Variants in COPS9 observed in about 807,000 individuals in gnomAD.
The protein encoded by COPS9 is COP9 signalosome complex subunit 9.
A neutral mutation model predicts 7.2 loss-of-function variants in COPS9; 8 were observed. The ratio of observed to expected loss-of-function variants is 1.11; its 90% CI spans 0.65 to 2.00. The LOEUF is 2.00. Ranked by LOEUF, COPS9 falls within the 30% of genes most tolerant of loss-of-function variation. The pLI is 0.00. For synonymous variants in COPS9, 39 were observed against 28.7 expected, an observed-to-expected ratio of 1.36 and a Z score of -1.14; for missense variants, 74 against 77.7, an observed-to-expected ratio of 0.95 and a Z score of 0.18.
rs1410889291 is a variant in COPS9 at position 240,132,154 on chromosome 2, C to T, written c.137-1066G>A. On this transcript the variant is annotated intron_variant, in intron 2 of 2. Coordinates refer to ENST00000607357, the MANE Select transcript of COPS9 (RefSeq NM_001163424.2). The surrounding 1 kb of genome is among the most constrained non-coding windows in gnomAD (Gnocchi z 4.1). ...TCTGCAGTGCTCCCAGAAACAATGCCGTCCACGCTTTGCCAGGGCTCTTGT... is the reference window on the plus strand; with the variant it reads ...TCTGCAGTGCTCCCAGAAACAATGCTGTCCACGCTTTGCCAGGGCTCTTGT... 1.3e-5 allele frequency among the ~76,000 whole-genome samples: 2 copies of T among 152,172 alleles called. No homozygotes were observed. The highest frequency in any genetic ancestry group is 2.9e-5 in the Non-Finnish European group (2 of 68,030).
At chr2:240,131,663 G>T (rs1285071887) in intron 2 of COPS9, among the ~76,000 whole-genome samples, 6 of 152,198 alleles carry the variant, frequency 3.9e-5, no homozygotes, top group Admixed American at 1.3e-4. Flanking sequence ...AACACGTAGT[G>T]CCCTGCTTTG....
chr2:240,129,871 C>G (rs202067296), downstream of COPS9: 1 of 1,548,224 alleles, frequency 6.5e-7, no homozygotes, highest in African/African-American at 1.4e-5. Flanking sequence ...CCTCAACGTG[C>G]GGCCCAGTGC....
At chr2:240,128,028 T>C (rs893048120), downstream of COPS9, among the ~76,000 whole-genome samples, 1 of 152,196 alleles carries the variant, frequency 6.6e-6, no homozygotes, top group Admixed American at 6.5e-5. Flanking sequence ...CAATGATTAT[T>C]CACACAAAAC....
chr2:240,134,011 G>C lies in COPS9; in HGVS notation c.64-6C>G. 1.2e-6 allele frequency: 2 copies of C among 1,614,154 alleles called. No homozygotes were observed. The highest frequency in any genetic ancestry group is 1.7e-6 in the Non-Finnish European group (2 of 1,180,002). On this transcript the variant is annotated splice_region_variant and splice_polypyrimidine_tract_variant and intron_variant, in intron 1 of 2. Transcript: ENST00000607357. ...AGCCCGGTGCTGCCTCCCGCCTGGG[G>C]AATGGAAAGGCAAGGTTATGTCAGG... is the stretch of plus-strand genomic sequence containing the variant.
intron 1 of COPS9, among the ~76,000 whole-genome samples, chr2:240,135,580 G>A (rs1029118562): frequency 3.9e-5 from 6 of 152,142 alleles, no homozygotes; most frequent in African/African-American, 1.2e-4. Flanking sequence ...GCTCACATCA[G>A]ACAAGGTCAC....
At chr2:240,128,936 T>C (rs926953912), downstream of COPS9, among the ~76,000 whole-genome samples, 11 of 152,234 alleles carry the variant, frequency 7.2e-5, no homozygotes. Flanking sequence ...CATGCACACA[T>C]GTGCAGACTG....
At chr2:240,129,135 T>C (rs2071895217), downstream of COPS9, among the ~76,000 whole-genome samples, 3 of 152,174 alleles carry the variant, frequency 2.0e-5, no homozygotes, top group South Asian at 6.2e-4. Flanking sequence ...GACATCCCCA[T>C]TCACCAAGGA....
At chr2:240,136,117 A>AC in intron 1 of COPS9, 105 bp downstream of exon 1, 1 of 1,213,264 alleles carries the variant, frequency 8.2e-7, no homozygotes, top group Non-Finnish European at 1.1e-6. Flanking sequence ...CCCATCGCCC[A>AC]CCCGCCCGGC....
intron 2 of COPS9, among the ~76,000 whole-genome samples, chr2:240,133,117 C>T (rs773799960): frequency 2.0e-5 from 3 of 152,166 alleles, no homozygotes; most frequent in Non-Finnish European, 2.9e-5. Context: ...AATTAGAAAC[C>T]GATGTGGCAA....
downstream of COPS9, chr2:240,126,864 T>G (rs1315708378): frequency 1.2e-6 from 2 of 1,614,160 alleles, no homozygotes; most frequent in Admixed American, 3.3e-5. Context: ...CATTAGCGCC[T>G]CCGCCCCCTG....
chr2:240,127,917 T>A (rs931590052), downstream of COPS9, among the ~76,000 whole-genome samples: 6 of 151,990 alleles, frequency 3.9e-5, no homozygotes, highest in Non-Finnish European at 5.9e-5. Context: ...GTGACAGCCA[T>A]CTCTGATGGC....
Position 240,134,488 on chromosome 2 carries a change from C to T in COPS9, c.64-483G>A, listed in dbSNP as rs12474779. On this transcript the variant is annotated intron_variant, in intron 1 of 2. Transcript: ENST00000607357. ...TATCATGGACCGTCCACTGCCACAA[C>T]TCCACGGCAGTGGAAAAACCATGTC... is the stretch of plus-strand genomic sequence containing the variant. Among the ~76,000 whole-genome samples the T allele has an allele frequency of 1.2e-3, 181 of 152,314 alleles. 1 individual carries two copies. The Middle Eastern group carries it at 0.031, about 26-fold the overall frequency.
chr2:240,128,414 CCTT>C (rs540470767), downstream of COPS9, among the ~76,000 whole-genome samples: 180 of 152,294 alleles, frequency 1.2e-3, no homozygotes, highest in African/African-American at 3.9e-3. Context: ...GACAGTGCTT[CCTT>C]CTTTTCTCAC....
At chr2:240,130,594 C>G (rs916482242), downstream of COPS9, among the ~76,000 whole-genome samples, 2 of 152,260 alleles carry the variant, frequency 1.3e-5, no homozygotes, top group Non-Finnish European at 2.9e-5. Context: ...AGCAGAGGGG[C>G]GGCCCCGTGG....
At chr2:240,127,261 A>G (rs1466448407), downstream of COPS9, among the ~76,000 whole-genome samples, 1 of 145,506 alleles carries the variant, frequency 6.9e-6, no homozygotes, top group African/African-American at 2.6e-5. Context: ...AAGCCCCACA[A>G]GGCATCATTA....
chr2:240,129,294 C>A (rs116626942), downstream of COPS9, among the ~76,000 whole-genome samples: 2 of 152,220 alleles, frequency 1.3e-5, no homozygotes, highest in African/African-American at 4.8e-5. Context: ...TCCCAAACAG[C>A]TAGGACTATA....
chr2:240,130,315 G>C (rs776040071), downstream of COPS9, among the ~76,000 whole-genome samples: 2 of 152,208 alleles, frequency 1.3e-5, no homozygotes, highest in African/African-American at 4.8e-5. Context: ...TTCACTTCGA[G>C]ATGGATGTCA....
intron 2 of COPS9, among the ~76,000 whole-genome samples, chr2:240,131,689 G>A (rs2071924673): frequency 1.3e-5 from 2 of 152,156 alleles, no homozygotes; most frequent in Admixed American, 6.5e-5. Flanking sequence ...TCAAAATCAG[G>A]CCCCCCAGGA....
chr2:240,129,980 T>C, downstream of COPS9: 5 of 1,613,920 alleles, frequency 3.1e-6, no homozygotes, highest in Middle Eastern at 1.6e-4. Flanking sequence ...CTCGCTGCAG[T>C]GCGGGAACCA....
Sources: gnomAD v4.1 joint callset for allele counts (sites outside exome capture counted in the v4.1 genomes callset) on GRCh38, gnomAD v4.1.1 for gene constraint, Gnocchi (gnomAD v3.1) non-coding constraint, MANE v1.5 for transcripts, NCBI Gene and HGNC (gene_info 2026-07-23, HGNC 2026-07-21) for gene names.